The following DSCAM variants were observed in gnomAD, a reference collection of about 807,000 sequenced individuals.
DSCAM encodes the protein cell adhesion molecule DSCAM.
Under a neutral mutation model 217.7 loss-of-function variants are expected in DSCAM, and 47 were observed. The observed-to-expected ratio is 0.22, with a 90% CI of 0.17 to 0.28. DSCAM has a LOEUF of 0.28. Among genes scored for constraint, DSCAM ranks in the 10% least tolerant of loss-of-function variants. DSCAM has a pLI of 1.00. For synonymous variants in DSCAM, 1,056 were observed against 1,015.3 expected, an observed-to-expected ratio of 1.04 and a Z score of -0.76; for missense variants, 2,080 against 2,618.3, an observed-to-expected ratio of 0.79 and a Z score of 4.49.
intron 3 of DSCAM, among the ~76,000 whole-genome samples, chr21:40,669,197 G>C (rs1424238782): frequency 6.6e-6 from 1 of 152,090 alleles, no homozygotes; most frequent in East Asian, 1.9e-4. Flanking sequence ...TCAGTGGAGA[G>C]ATTTTCAGTG....
chr21:40,556,716 G>A (rs911984061), intron 3 of DSCAM, among the ~76,000 whole-genome samples: 39 of 152,074 alleles, frequency 2.6e-4, no homozygotes, highest in African/African-American at 8.9e-4. Context: ...AGCTCACAGA[G>A]TGAGAACTCA....
At chr21:40,368,396 C>G (rs752782713) in intron 4 of DSCAM, among the ~76,000 whole-genome samples, 3 of 152,062 alleles carry the variant, frequency 2.0e-5, no homozygotes. Context: ...TGTAAAAGAA[C>G]AGATAAAGAA....
At chr21:40,603,900 C>T (rs1267775074) in intron 3 of DSCAM, among the ~76,000 whole-genome samples, 1 of 144,232 alleles carries the variant, frequency 6.9e-6, no homozygotes, top group Non-Finnish European at 1.5e-5. Context: ...ATATGACATG[C>T]CTAGGTGTAG....
Position 40,209,324 on chromosome 21 carries a change from G to A in DSCAM, c.2357-20086C>T, listed in dbSNP as rs570419634. On this transcript the variant is annotated intron_variant, in intron 11 of 32. Coordinates refer to ENST00000400454, the MANE Select transcript of DSCAM (RefSeq NM_001389.5). The stretch of plus-strand genomic sequence containing the variant: ...TGCCAGGCTTTGAGCAAAATGCCAA[G>A]AAGAAGACTGGATGAAGTGAGAAAC... 2.6e-5 allele frequency among the ~76,000 whole-genome samples: 4 copies of A among 152,306 alleles called. No homozygotes were observed. In the South Asian group the frequency reaches 8.3e-4, roughly 32 times the overall value.
intron 3 of DSCAM, among the ~76,000 whole-genome samples, chr21:40,530,906 CAT>C: frequency 1.2e-5 from 1 of 81,410 alleles, no homozygotes; most frequent in South Asian, 4.7e-4. Flanking sequence ...TCCATCCATC[CAT>C]CCATCCATTC....
At chr21:40,641,832 GA>G (rs1326974527) in intron 3 of DSCAM, among the ~76,000 whole-genome samples, 3 of 151,990 alleles carry the variant, frequency 2.0e-5, no homozygotes, top group Non-Finnish European at 4.4e-5. Flanking sequence ...GGTGGATCAC[GA>G]GGTCAGGAGT....
chr21:40,807,482 G>T (rs543388517), intron 1 of DSCAM, among the ~76,000 whole-genome samples: 2 of 152,148 alleles, frequency 1.3e-5, no homozygotes, highest in South Asian at 4.1e-4. Flanking sequence ...TGGAGGGCGA[G>T]GGGGAGGACA....
intron 1 of DSCAM, 132 bp downstream of exon 1, chr21:40,846,487 A>T: frequency 3.4e-6 from 1 of 298,430 alleles, no homozygotes; most frequent in Non-Finnish European, 5.9e-6. Flanking sequence ...AAATAAAAGC[A>T]CGAAATTTTA....
At chr21:40,406,546 G>A (rs114120025) in intron 3 of DSCAM, among the ~76,000 whole-genome samples, 2,180 of 152,268 alleles carry the variant, frequency 0.014, 64 homozygotes, top group African/African-American at 0.05. Flanking sequence ...GCCAGGCACG[G>A]AAAGACAAAT....
At chr21:40,177,723 G>A (rs2090748820) in intron 15 of DSCAM, among the ~76,000 whole-genome samples, 1 of 152,202 alleles carries the variant, frequency 6.6e-6, no homozygotes, top group Non-Finnish European at 1.5e-5. Flanking sequence ...TATGAGATTT[G>A]TTAAACACAT....
intron 11 of DSCAM, among the ~76,000 whole-genome samples, chr21:40,270,779 G>C (rs1023597558): frequency 1.3e-5 from 2 of 152,056 alleles, no homozygotes; most frequent in African/African-American, 4.8e-5. Context: ...GGGCAGCTTG[G>C]GGCTGGGCTA....
At chr21:40,331,813 A>T (rs573995058) in intron 8 of DSCAM, among the ~76,000 whole-genome samples, 11 of 152,376 alleles carry the variant, frequency 7.2e-5, no homozygotes, top group African/African-American at 2.6e-4. Flanking sequence ...ATTCACTTTT[A>T]AAAATCCTCA....
intron 3 of DSCAM, among the ~76,000 whole-genome samples, chr21:40,523,361 C>T (rs559002891): frequency 1.3e-5 from 2 of 152,274 alleles, no homozygotes; most frequent in South Asian, 2.1e-4. Context: ...GGCACGCACA[C>T]AAGCAGCTGG....
At chr21:40,279,905 T>C (rs1376132929) in intron 10 of DSCAM, among the ~76,000 whole-genome samples, 3 of 151,798 alleles carry the variant, frequency 2.0e-5, no homozygotes, top group Non-Finnish European at 2.9e-5. Flanking sequence ...AAGTAGGAAT[T>C]GAACAATGAG....
chr21:40,143,384 A>G (rs1293469868), intron 17 of DSCAM, among the ~76,000 whole-genome samples: 1 of 152,218 alleles, frequency 6.6e-6, no homozygotes, highest in African/African-American at 2.4e-5. Flanking sequence ...TTTAACGACT[A>G]TTGCAATTAT....
chr21:40,804,213 G>A (rs1335770083), intron 1 of DSCAM, among the ~76,000 whole-genome samples: 6 of 152,308 alleles, frequency 3.9e-5, no homozygotes, highest in African/African-American at 1.4e-4. Context: ...ATGTGGCCTT[G>A]CTGATGGAGT....
chr21:40,530,153 C>T (rs1032442627), intron 3 of DSCAM, among the ~76,000 whole-genome samples: 1 of 152,184 alleles, frequency 6.6e-6, no homozygotes, highest in Admixed American at 6.5e-5. Flanking sequence ...GTGCACCATT[C>T]CATGGTCATT....
At chr21:40,542,595 G>A (rs2076550695) in intron 3 of DSCAM, among the ~76,000 whole-genome samples, 1 of 152,198 alleles carries the variant, frequency 6.6e-6, no homozygotes, top group Non-Finnish European at 1.5e-5. Flanking sequence ...CATCTGAGGA[G>A]TCAAAGAGAA....
rs189518969 is a variant in DSCAM at position 40,741,043 on chromosome 21, G to A, written c.44-32272C>T. On this transcript the variant is annotated intron_variant, in intron 1 of 32. Coordinates refer to ENST00000400454, the MANE Select transcript of DSCAM (RefSeq NM_001389.5). The stretch of plus-strand genomic sequence containing the variant: ...GAATTTAGTGGGGGCATAGGAATAA[G>A]ATGAGAACACCAAGGCCCTCTTATG... Among the ~76,000 whole-genome samples, 75 of 152,340 alleles carry A rather than the reference G, an allele frequency of 4.9e-4. 1 individual carries two copies. The highest frequency in any genetic ancestry group is 9.7e-4 in the Non-Finnish European group (66 of 68,030).
Sources: gnomAD v4.1 joint callset for allele counts (sites outside exome capture counted in the v4.1 genomes callset) on GRCh38, gnomAD v4.1.1 for gene constraint, MANE v1.5 for transcripts, NCBI Gene and HGNC (gene_info 2026-07-23, HGNC 2026-07-21) for gene names.